Variants in OR2M2 observed in about 807,000 individuals in gnomAD.
OR2M2 encodes olfactory receptor family 2 subfamily M member 2, also known as olfactory receptor 2M2.
For missense variants in OR2M2, 467 were observed against 429.9 expected, an observed-to-expected ratio of 1.09 and a Z score of -0.76; for synonymous variants, 168 against 151.7, an observed-to-expected ratio of 1.11 and a Z score of -0.79.
intron 1 of OR2M2, chr1:248,177,786 C>A (rs1665871627): frequency 6.6e-6 from 1 of 152,094 alleles, no homozygotes; most frequent in South Asian, 2.1e-4. Context: ...AAGATGTTGA[C>A]TTGACCTGGA....
In OR2M2 at chr1:248,180,177, C is replaced by T. The variant is rs760725854; in HGVS notation, c.192C>T (p.Ser64=). The part of the protein sequence containing the change: ...QLHTPMYFLL[S]QLSLMDLMLI... ...ACACCCCCATGTACTTCCTCCTCAG[C>T]CAACTGTCCCTCATGGACCTCATGC... The change falls in exon 2 of 2, where the codon AGC becomes AGT. Residue 64 remains serine, a synonymous_variant. Coordinates refer to ENST00000641836, the MANE Select transcript of OR2M2 (RefSeq NM_001004688.2). The T allele has an allele frequency of 5.0e-6, 8 of 1,614,134 alleles. No individual in the cohort carries two copies. The Middle Eastern group carries it at 4.9e-4, about 100-fold the overall frequency.
Position 248,180,292 on chromosome 1 carries a change from T to G in OR2M2, c.307T>G (p.Phe103Val). ...SMAGCVTQIF[F>V]YISLSGSECF... ...GGCTGGTTGTGTCACACAAATTTTCTTCTATATATCACTGTCTGGCTCTGA... is the reference window on the plus strand; with the variant it reads ...GGCTGGTTGTGTCACACAAATTTTCGTCTATATATCACTGTCTGGCTCTGA... The change falls in exon 2 of 2, where the codon TTC (phenylalanine) becomes GTC (valine). Residue 103 changes from phenylalanine to valine, a missense_variant. Phe to Val is a conservative substitution (Grantham distance 50). Transcript: ENST00000641836. 3 of 1,613,334 alleles carry G rather than the reference T, an allele frequency of 1.9e-6. No homozygotes were observed. The highest frequency in any genetic ancestry group is 2.5e-6 in the Non-Finnish European group (3 of 1,179,940).
At chr1:248,176,786 T>C (rs1665861980) in intron 1 of OR2M2, among the ~76,000 whole-genome samples, 1 of 152,100 alleles carries the variant, frequency 6.6e-6, no homozygotes, top group East Asian at 1.9e-4. Context: ...CATTTTCAGA[T>C]TGTTTATATC....
chr1:248,178,490 C>A (rs4523547), intron 1 of OR2M2, among the ~76,000 whole-genome samples: 41,821 of 151,972 alleles, frequency 0.28, 9,945 homozygotes, highest in African/African-American at 0.65. Flanking sequence ...TTTATTCCCA[C>A]AATCTTCTAT....
At chr1:248,176,450 A>G (rs1472725802) in intron 1 of OR2M2, among the ~76,000 whole-genome samples, 1 of 152,148 alleles carries the variant, frequency 6.6e-6, no homozygotes, top group Admixed American at 6.5e-5. Context: ...ATAAAAATAG[A>G]AGCATAAAAT....
chr1:248,177,533 A>C (rs1295793385), intron 1 of OR2M2, among the ~76,000 whole-genome samples: 2 of 152,140 alleles, frequency 1.3e-5, no homozygotes, highest in African/African-American at 4.8e-5. Flanking sequence ...TGACAAGATC[A>C]AGATAACTGG....
In OR2M2 at chr1:248,174,875, A is replaced by G. The variant is rs1409354979; in HGVS notation, c.-19+4A>G. 1 of 152,184 alleles carries G rather than the reference A, an allele frequency of 6.6e-6. No homozygotes were observed. The highest frequency in any genetic ancestry group is 6.5e-5 in the Admixed American group (1 of 15,284). The allele number at this position is 152,184 out of a possible 1,614,324, so 9.4% of individuals were successfully genotyped here. A position where few individuals can be genotyped will look rare whatever the true frequency, so the allele number is the denominator to read the frequency against. ...CTATTCAGATCAGTACTAAGAGGTA[A>G]GTTAACTAAGCCCAAGCAAGACTGT... On this transcript the variant is annotated splice_donor_region_variant and intron_variant, in intron 1 of 1. Coordinates refer to ENST00000641836, the MANE Select transcript of OR2M2 (RefSeq NM_001004688.2).
At chr1:248,178,565 A>G (rs1665881311) in intron 1 of OR2M2, among the ~76,000 whole-genome samples, 1 of 152,158 alleles carries the variant, frequency 6.6e-6, no homozygotes, top group Non-Finnish European at 1.5e-5. Context: ...GCATAGATGT[A>G]CAACCCTTTC....
chr1:248,176,649 T>A (rs1665859876), intron 1 of OR2M2, among the ~76,000 whole-genome samples: 1 of 152,112 alleles, frequency 6.6e-6, no homozygotes, highest in Non-Finnish European at 1.5e-5. Flanking sequence ...GTGCTGAAAC[T>A]CAGAATGTTC....
chr1:248,180,747 A>C lies in OR2M2; in HGVS notation c.762A>C (p.Ala254=). The change falls in exon 2 of 2, where the codon GCA becomes GCC. Residue 254 remains alanine, a synonymous_variant. Coordinates refer to ENST00000641836, the MANE Select transcript of OR2M2 (RefSeq NM_001004688.2). ...TGGTGGTGGGAATGTACTATGGAGC[A>C]GCTTTGTTCATGTACATACGGCCCA... The part of the protein sequence containing the change: ...HLMVVGMYYG[A]ALFMYIRPTS... 1 of 1,613,782 alleles carries C rather than the reference A, an allele frequency of 6.2e-7. No individual in the cohort carries two copies. Among genetic ancestry groups the C allele is most frequent in the Middle Eastern group, 1.7e-4 (1 of 5,950 alleles).
At chr1:248,179,426 G>A (rs1427020424) in intron 1 of OR2M2, among the ~76,000 whole-genome samples, 4 of 152,164 alleles carry the variant, frequency 2.6e-5, no homozygotes, top group African/African-American at 7.2e-5. Context: ...AATCTTTCCA[G>A]TGTATCCACT....
At chr1:248,176,802 T>A (rs573891316) in intron 1 of OR2M2, among the ~76,000 whole-genome samples, 2 of 152,228 alleles carry the variant, frequency 1.3e-5, no homozygotes, top group Admixed American at 6.5e-5. Flanking sequence ...ATATCCTGGA[T>A]AACTTACACT....
At position 248,178,768 on chromosome 1, in the gene OR2M2, C is replaced by T. The variant is rs75741688; in HGVS notation, c.-18-1200C>T. ...GGTTTATAGTCATCATCTGATCGCA[C>T]TCACTATGACCTGTATGAACAGGGG... On this transcript the variant is annotated intron_variant, in intron 1 of 1. Transcript: ENST00000641836. Among the ~76,000 whole-genome samples the T allele has an allele frequency of 5.5e-3, 842 of 152,296 alleles. 10 individuals carry two copies. The highest frequency in any genetic ancestry group is 0.018 in the South Asian group (85 of 4,824).
At position 248,178,074 on chromosome 1, in the gene OR2M2, T is replaced by G. The variant is rs1665875383; in HGVS notation, c.-18-1894T>G. Reference sequence around the variant, plus strand: ...TTTTGAGAGGTTTTTTCTTTCTTATTCACAATATTATTCACAATTTATATA... The same window carrying G: ...TTTTGAGAGGTTTTTTCTTTCTTATGCACAATATTATTCACAATTTATATA... On this transcript the variant is annotated intron_variant, in intron 1 of 1. Transcript: ENST00000641836. 3.3e-5 allele frequency: 5 copies of G among 152,194 alleles called. No homozygotes were observed. The South Asian group carries it at 1.0e-3, about 32-fold the overall frequency. 9.4% of individuals were successfully genotyped at this position (152,194 alleles called of 1,614,324 possible). A position where few individuals can be genotyped will look rare whatever the true frequency, so the allele number is the denominator to read the frequency against.
chr1:248,180,767 G>A lies in OR2M2; in HGVS notation c.782G>A (p.Arg261Gln), dbSNP rs368462994. 37 of 1,613,498 alleles carry A rather than the reference G, an allele frequency of 2.3e-5. No individual in the cohort carries two copies. The highest frequency in any genetic ancestry group is 7.7e-5 in the South Asian group (7 of 91,058). ...YYGAALFMYI[R>Q]PTSDHSPTQD... ...GGAGCAGCTTTGTTCATGTACATAC[G>A]GCCCACATCTGATCACTCCCCAACG... Residue 261 changes from arginine (R) to glutamine (Q), a missense_variant, in exon 2 of 2, where the codon CGG (arginine) becomes CAG (glutamine). By Grantham distance (43) the Arg-to-Gln change is conservative. Coordinates refer to ENST00000641836, the MANE Select transcript of OR2M2 (RefSeq NM_001004688.2).
At chr1:248,179,881 C>A in intron 1 of OR2M2, 87 bp from the exon 2 acceptor site, 5 of 1,228,658 alleles carry the variant, frequency 4.1e-6, no homozygotes, top group Non-Finnish European at 5.8e-6. Flanking sequence ...TATTGATCAC[C>A]CAACTACAGA....
In OR2M2 at chr1:248,178,916, T is replaced by C. The variant is rs1235225981; in HGVS notation, c.-18-1052T>C. On this transcript the variant is annotated intron_variant, in intron 1 of 1. Coordinates refer to ENST00000641836, the MANE Select transcript of OR2M2 (RefSeq NM_001004688.2). ...TTTCTGTTTTTGTATGTACTTATTT[T>C]CTAGAGGAGATATTGTGTGTATTAG... is the stretch of plus-strand genomic sequence containing the variant. Among the ~76,000 whole-genome samples, 3 of 152,184 alleles carry C rather than the reference T, an allele frequency of 2.0e-5. No homozygotes were observed. The East Asian group carries it at 5.8e-4, about 29-fold the overall frequency.
chr1:248,179,806 A>C (rs1472827923), intron 1 of OR2M2, among the ~76,000 whole-genome samples, 162 bp from the exon 2 acceptor site: 1 of 152,180 alleles, frequency 6.6e-6, no homozygotes, highest in African/African-American at 2.4e-5. Flanking sequence ...GCTGTATTGA[A>C]AGAACATATT....
intron 1 of OR2M2, chr1:248,177,967 C>T (rs58315731): frequency 0.28 from 43,273 of 151,944 alleles, 9,578 homozygotes; most frequent in African/African-American, 0.62. Context: ...TCCTTCTCTA[C>T]CTTCCCAGCA....
Sources: allele counts gnomAD v4.1 joint callset (sites outside exome capture counted in the v4.1 genomes callset), GRCh38; gene constraint gnomAD v4.1.1; transcripts MANE v1.5; gene names NCBI Gene and HGNC (gene_info 2026-07-23, HGNC 2026-07-21).